CEP89: variants seen among roughly 807,000 people sequenced by gnomAD.
The protein encoded by CEP89 is centrosomal protein of 89 kDa.
CEP89 carries 95 observed loss-of-function variants against 97.6 expected under a neutral mutation model. The observed-to-expected ratio is 0.97, with a 90% CI of 0.82 to 1.15. The LOEUF (loss-of-function observed/expected upper bound fraction) is 1.15, where lower values mean the gene tolerates loss of function less well. Among genes scored for constraint, CEP89 ranks in the 50% most tolerant of loss-of-function variants. The pLI is 0.00. For missense variants in CEP89, 869 were observed against 947.7 expected, an observed-to-expected ratio of 0.92 and a Z score of 1.09; for synonymous variants, 354 against 349.1, an observed-to-expected ratio of 1.01 and a Z score of -0.16.
At chr19:32,918,477 C>G in intron 12 of CEP89, 138 bp from the exon 13 acceptor site, 1 of 654,154 alleles carries the variant, frequency 1.5e-6, no homozygotes, top group East Asian at 2.7e-5. Context: ...AACATATTAA[C>G]ACAGCAGCAA....
Position 32,901,321 on chromosome 19 carries a change from G to A in CEP89, c.1657C>T (p.Leu553=), listed in dbSNP as rs1184513211. The change falls in exon 15 of 19, where the codon CTG becomes TTG. Residue 553 remains leucine (L), a synonymous_variant. Coordinates refer to ENST00000305768, the MANE Select transcript of CEP89 (RefSeq NM_032816.5). ...TVLQAQKKSL[L]LEKNSLTEQN... Reference sequence around the variant, plus strand: ...TCTGTCAAACTGTTCTTCTCTAACAGCAGGCTCTTCTTCTGCGCTTGCAGG... The same window carrying A: ...TCTGTCAAACTGTTCTTCTCTAACAACAGGCTCTTCTTCTGCGCTTGCAGG... 3 of 1,614,162 alleles carry A rather than the reference G, an allele frequency of 1.9e-6. No individual in the cohort carries two copies. In the African/African-American group the frequency reaches 4.0e-5, roughly 22 times the overall value.
chr19:32,918,844 C>A (rs1264190806), intron 12 of CEP89, among the ~76,000 whole-genome samples: 1 of 150,592 alleles, frequency 6.6e-6, no homozygotes, highest in African/African-American at 2.4e-5. Flanking sequence ...TGTTAGCAGG[C>A]TTTGAAATGG....
chr19:32,946,584 C>T (rs977888408), intron 5 of CEP89, among the ~76,000 whole-genome samples: 3 of 152,234 alleles, frequency 2.0e-5, no homozygotes, highest in Non-Finnish European at 2.9e-5. Context: ...TCCCCACTCA[C>T]ATCTCATCTT....
intron 12 of CEP89, among the ~76,000 whole-genome samples, chr19:32,923,002 T>C (rs1019891105): frequency 9.9e-5 from 15 of 152,090 alleles, no homozygotes; most frequent in African/African-American, 3.6e-4. Context: ...TGGGGCAACC[T>C]CAGTTGTCAG....
chr19:32,882,023 G>A lies in CEP89; in HGVS notation c.1966-10C>T, dbSNP rs377179055. ...CCTGCTTCTTGTAGCCCTGGTCGGG[G>A]GAAGGACTCTGTGAATGAGGGGACG... On this transcript the variant is annotated splice_polypyrimidine_tract_variant and intron_variant, in intron 17 of 18. Transcript: ENST00000305768. 1.6e-4 allele frequency: 242 copies of A among 1,556,742 alleles called. No homozygotes were observed. Among genetic ancestry groups the A allele is most frequent in the Middle Eastern group, 1.0e-3 (6 of 6,008 alleles).
chr19:32,883,769 T>C (rs1173471467), intron 17 of CEP89, among the ~76,000 whole-genome samples: 1 of 152,218 alleles, frequency 6.6e-6, no homozygotes, highest in Non-Finnish European at 1.5e-5. Context: ...AATTTTTGTG[T>C]CTTTTATATA....
rs373636131 is a variant in CEP89 at position 32,956,554 on chromosome 19, T to TG, written c.306-2754dup. On this transcript the variant is annotated intron_variant, in intron 3 of 18. Transcript: ENST00000305768. Reference sequence around the variant, plus strand: ...TGATTTTTGTATTTTTTTGTAGAGATGGGGGTCTCACTTTGTTGCCCAGGC... The same window carrying TG: ...TGATTTTTGTATTTTTTTGTAGAGATGGGGGGTCTCACTTTGTTGCCCAGGC... Among the ~76,000 whole-genome samples the TG allele has an allele frequency of 2.5e-3, 386 of 151,660 alleles. 1 individual carries two copies. The highest frequency in any genetic ancestry group is 7.8e-3 in the African/African-American group (323 of 41,360).
chr19:32,886,884 C>A, intron 17 of CEP89, among the ~76,000 whole-genome samples: 1 of 148,530 alleles, frequency 6.7e-6, no homozygotes, highest in African/African-American at 2.5e-5. Flanking sequence ...CTTAAAGAGA[C>A]AGGGTCCCTG....
intron 7 of CEP89, among the ~76,000 whole-genome samples, chr19:32,934,149 TGA>T (rs1970532820): frequency 6.7e-6 from 1 of 150,228 alleles, no homozygotes; most frequent in African/African-American, 2.5e-5. Context: ...GTGCGGGCAG[TGA>T]GAGAGAAGCA....
chr19:32,947,894 G>A (rs910456405), intron 5 of CEP89, among the ~76,000 whole-genome samples: 4 of 152,024 alleles, frequency 2.6e-5, no homozygotes, highest in African/African-American at 7.2e-5. Flanking sequence ...CTGACCTTCC[G>A]AGCTCAAGTG....
At chr19:32,908,414 T>G (rs1599729204) in intron 14 of CEP89, among the ~76,000 whole-genome samples, 1 of 151,394 alleles carries the variant, frequency 6.6e-6, no homozygotes. Context: ...GGGTCAAGGG[T>G]AGAGGAATGA....
intron 14 of CEP89, among the ~76,000 whole-genome samples, chr19:32,915,072 G>A (rs542533716): frequency 2.2e-4 from 33 of 151,720 alleles, no homozygotes; most frequent in African/African-American, 7.3e-4. Flanking sequence ...ACTATGCTGT[G>A]CATGACCATA....
chr19:32,964,632 G>A (rs1004338097), intron 2 of CEP89, among the ~76,000 whole-genome samples: 2 of 151,654 alleles, frequency 1.3e-5, no homozygotes, highest in Non-Finnish European at 3.0e-5. Context: ...CGGAACACGC[G>A]TTAATCAGAA....
chr19:32,918,058 T>C (rs1365545377), intron 13 of CEP89, among the ~76,000 whole-genome samples, 166 bp downstream of exon 13: 1 of 152,170 alleles, frequency 6.6e-6, no homozygotes, highest in African/African-American at 2.4e-5. Flanking sequence ...AATCTATGCA[T>C]TGAGGGTAGT....
intron 11 of CEP89, 58 bp from the exon 12 acceptor site, chr19:32,923,600 A>C: frequency 1.5e-5 from 16 of 1,094,066 alleles, no homozygotes; most frequent in Non-Finnish European, 2.2e-5. Context: ...TATATTTCTC[A>C]GTTCTGGTGC....
Position 32,897,728 on chromosome 19 carries a change from A to C in CEP89, c.1875+2129T>G, listed in dbSNP as rs115442238. On this transcript the variant is annotated intron_variant, in intron 16 of 18. Coordinates refer to ENST00000305768, the MANE Select transcript of CEP89 (RefSeq NM_032816.5). ...AGGCATGCACCACTATGCCTGGCTA[A>C]GTTTTTCGTTATTTGTAGAGACAGG... Among the ~76,000 whole-genome samples, 462 of 152,114 alleles carry C rather than the reference A, an allele frequency of 3.0e-3. 4 individuals are homozygous for C. The highest frequency in any genetic ancestry group is 0.01 in the African/African-American group (429 of 41,494).
intron 4 of CEP89, among the ~76,000 whole-genome samples, chr19:32,952,903 CAAAAAAAAA>C (rs34455504): frequency 1.8e-4 from 9 of 48,788 alleles, no homozygotes; most frequent in Non-Finnish European, 2.8e-4. Flanking sequence ...GACTCTGTCT[CAAAAAAAAA>C]AAAAAAAAAA....
At chr19:32,918,386 G>C (rs767329141) in intron 12 of CEP89, 47 bp from the exon 13 acceptor site, 1 of 1,372,810 alleles carries the variant, frequency 7.3e-7, no homozygotes, top group Non-Finnish European at 1.0e-6. Context: ...GGTGCTGAAT[G>C]GTTACAGAAA....
intron 3 of CEP89, among the ~76,000 whole-genome samples, chr19:32,959,416 G>C (rs1186077788): frequency 1.3e-5 from 2 of 152,062 alleles, no homozygotes; most frequent in African/African-American, 2.4e-5. Flanking sequence ...CCCTGTGTCA[G>C]CTCAAACCCA....
Sources: allele counts gnomAD v4.1 joint callset (sites outside exome capture counted in the v4.1 genomes callset), GRCh38; gene constraint gnomAD v4.1.1; transcripts MANE v1.5; gene names NCBI Gene and HGNC (gene_info 2026-07-23, HGNC 2026-07-21).